Variants in CAMTA2 observed in about 807,000 individuals in gnomAD.
The protein encoded by CAMTA2 is calmodulin binding transcription activator 2, also known as calmodulin-binding transcription activator 2.
CAMTA2 carries 56 observed loss-of-function variants against 135.7 expected under a neutral mutation model. That is an observed-to-expected ratio of 0.41 (90% CI 0.33 to 0.52). The LOEUF (loss-of-function observed/expected upper bound fraction) is 0.52, where lower values mean the gene tolerates loss of function less well. CAMTA2 is among the 20% of genes least tolerant of loss of function. The pLI, the probability that CAMTA2 is intolerant of heterozygous loss-of-function variation, is 0.16. For missense variants in CAMTA2, 1,358 were observed against 1,553.4 expected, an observed-to-expected ratio of 0.87 and a Z score of 2.11; for synonymous variants, 591 against 604.6, an observed-to-expected ratio of 0.98 and a Z score of 0.33.
intron 11 of CAMTA2, 98 bp downstream of exon 11, chr17:4,976,960 G>T: frequency 8.4e-7 from 1 of 1,187,850 alleles, no homozygotes; most frequent in Non-Finnish European, 1.2e-6. Flanking sequence ...GTAAAGTGGG[G>T]GCTCAGTGAT....
chr17:4,979,765 T>G lies in CAMTA2; in HGVS notation c.1557A>C (p.Pro519=). 2.5e-6 allele frequency: 4 copies of G among 1,614,024 alleles called. No homozygotes were observed. The highest frequency in any genetic ancestry group is 2.5e-6 in the Non-Finnish European group (3 of 1,180,006). The change falls in exon 9 of 23, where the codon CCA becomes CCC. Residue 519 remains proline, a synonymous_variant. Transcript: ENST00000348066. The part of the protein sequence containing the change: ...LMGELISDEA[P]SIPAPTPQLS... ...GCTGGGGGGTCGGAGCAGGGATGCTTGGAGCTTCGTCACTGATGAGTTCTC... is the reference window on the plus strand; with the variant it reads ...GCTGGGGGGTCGGAGCAGGGATGCTGGGAGCTTCGTCACTGATGAGTTCTC...
At chr17:4,984,793 G>T (rs756749803) in intron 3 of CAMTA2, among the ~76,000 whole-genome samples, 5 of 152,040 alleles carry the variant, frequency 3.3e-5, no homozygotes, top group Non-Finnish European at 7.4e-5. Flanking sequence ...GGCCGAGATG[G>T]GCGGATCACT....
chr17:4,975,446 G>A (rs1597744296), intron 11 of CAMTA2, among the ~76,000 whole-genome samples: 1 of 152,284 alleles, frequency 6.6e-6, no homozygotes, highest in African/African-American at 2.4e-5. Flanking sequence ...GGTTCAAGAA[G>A]AAATGGAAAG....
chr17:4,968,569 AC>A lies in CAMTA2; in HGVS notation c.*186del. 1.6e-6 allele frequency: 1 copy of A among 637,442 alleles called. No homozygotes were observed. Among genetic ancestry groups the A allele is most frequent in the Non-Finnish European group, 2.7e-6 (1 of 364,206 alleles). 39.5% of individuals were successfully genotyped at this position (637,442 alleles called of 1,614,324 possible). On this transcript the variant is annotated 3_prime_UTR_variant, in exon 23 of 23. Coordinates refer to ENST00000348066, the MANE Select transcript of CAMTA2 (RefSeq NM_015099.4). ...GAGCCAGGACCAAAAGAGACGGGGC[AC>A]GACCAGGAGGGACGAGGAGAGGGGT...
At chr17:4,987,119 C>A (rs1466423805) in intron 1 of CAMTA2, 1 of 1,363,800 alleles carries the variant, frequency 7.3e-7, no homozygotes, top group Non-Finnish European at 9.4e-7. Flanking sequence ...GGGGTAAGGA[C>A]TCCGCCCCAG....
Position 4,968,808 on chromosome 17 carries a change from A to G in CAMTA2, c.3557T>C (p.Leu1186Pro). ...CCCTTCCAGCTCCTGGTTCTGCTTCAGTTCCCTCATCCTGCAGAGAGAAAG... is the reference window on the plus strand; with the variant it reads ...CCCTTCCAGCTCCTGGTTCTGCTTCGGTTCCCTCATCCTGCAGAGAGAAAG... ...LRRCRHRMRELKQNQELEGLP... is the reference protein window; with the variant it reads ...LRRCRHRMREPKQNQELEGLP... The change falls in exon 23 of 23, where the codon CTG becomes CCG. Residue 1186 changes from leucine (L) to proline (P), a missense_variant. By Grantham distance (98) the Leu-to-Pro change is moderately conservative (BLOSUM62 -3). Transcript: ENST00000348066. The G allele has an allele frequency of 1.2e-6, 2 of 1,614,140 alleles. No individual in the cohort carries two copies. The highest frequency in any genetic ancestry group is 1.7e-6 in the Non-Finnish European group (2 of 1,180,006).
rs1232881381 is a variant in CAMTA2 at position 4,970,239 on chromosome 17, G to C, written c.3005+101C>G. 3 of 1,450,228 alleles carry C rather than the reference G, an allele frequency of 2.1e-6. No individual in the cohort carries two copies. In the African/African-American group the frequency reaches 4.2e-5, roughly 20 times the overall value. The allele number at this position is 1,450,228 out of a possible 1,614,324, so 89.8% of individuals were successfully genotyped here. ...TCAGTTCGCTTCTCCAAGGCCCTGG[G>C]GCCTCAGCCAGAATGGAGCTTTGGC... On this transcript the variant is annotated intron_variant, in intron 17 of 22. Transcript: ENST00000348066.
chr17:4,975,035 G>C (rs574691558), intron 11 of CAMTA2, among the ~76,000 whole-genome samples: 1 of 152,128 alleles, frequency 6.6e-6, no homozygotes, highest in Admixed American at 6.5e-5. Flanking sequence ...GAAGGTGACA[G>C]AGATGGATAG....
At position 4,974,396 on chromosome 17, in the gene CAMTA2, G is replaced by C. The variant is rs1351255959; in HGVS notation, c.2005C>G (p.Pro669Ala). The C allele has an allele frequency of 1.2e-6, 2 of 1,607,256 alleles. No individual in the cohort carries two copies. Among genetic ancestry groups the C allele is most frequent in the African/African-American group, 2.7e-5 (2 of 74,670 alleles). ...GQVPCQGPDA[P>A]PVQDEGQGPG... is the part of the protein sequence containing the mutation. ...CCTCACAGAAGTACCTGAACTGGAG[G>C]AGCATCAGGACCCTGGCAAGGCACC... Residue 669 changes from proline to alanine, a missense_variant, in exon 12 of 23, where the codon CCT (proline) becomes GCT (alanine). Coordinates refer to ENST00000348066, the MANE Select transcript of CAMTA2 (RefSeq NM_015099.4).
chr17:4,978,150 T>G (rs1287081789), intron 10 of CAMTA2, among the ~76,000 whole-genome samples: 1 of 152,152 alleles, frequency 6.6e-6, no homozygotes, highest in African/African-American at 2.4e-5. Context: ...TGGATTGGAG[T>G]TGGAGACTCT....
chr17:4,974,967 G>T (rs1000880987), intron 11 of CAMTA2, among the ~76,000 whole-genome samples: 4 of 152,140 alleles, frequency 2.6e-5, no homozygotes, highest in Non-Finnish European at 1.5e-5. Context: ...GATTTGAAAA[G>T]TACCTCCCCT....
In CAMTA2 at chr17:4,968,167, G is replaced by C. The variant is rs77383904; in HGVS notation, c.*589C>G. On this transcript the variant is annotated 3_prime_UTR_variant, in exon 23 of 23. Transcript: ENST00000348066. ...TCTTCACTATACTCTGTATGTTACAGTATGTACAAGACCCCTCCCCTCGGG... is the reference window on the plus strand; with the variant it reads ...TCTTCACTATACTCTGTATGTTACACTATGTACAAGACCCCTCCCCTCGGG... 381 of 322,324 alleles carry C rather than the reference G, an allele frequency of 1.2e-3. 6 individuals are homozygous for C. The East Asian group carries it at 0.024, about 20-fold the overall frequency. The allele number at this position is 322,324 out of a possible 1,614,324, so 20.0% of individuals were successfully genotyped here.
Position 4,981,850 on chromosome 17 carries a change from A to C in CAMTA2, c.412-19T>G, listed in dbSNP as rs1220224883. On this transcript the variant is annotated intron_variant, in intron 6 of 22. Coordinates refer to ENST00000348066, the MANE Select transcript of CAMTA2 (RefSeq NM_015099.4). ...CAGGGTTCTGAGAGTATAAGGGGACACACAGAGCCATGGGGTCCTGAGGTC... is the reference window on the plus strand; with the variant it reads ...CAGGGTTCTGAGAGTATAAGGGGACCCACAGAGCCATGGGGTCCTGAGGTC... 1.3e-6 allele frequency: 2 copies of C among 1,578,704 alleles called. No homozygotes were observed. Among genetic ancestry groups the C allele is most frequent in the African/African-American group, 2.7e-5 (2 of 73,546 alleles).
chr17:4,985,976 G>T lies in CAMTA2; in HGVS notation c.39C>A (p.Ser13Arg). The T allele has an allele frequency of 1.9e-6, 3 of 1,612,222 alleles. No individual in the cohort carries two copies. The highest frequency in any genetic ancestry group is 1.1e-5 in the South Asian group (1 of 91,050). Residue 13 changes from serine (S) to arginine (R), a missense_variant, in exon 3 of 23, where the codon AGC (serine) becomes AGA (arginine). This residue lies in a region of CAMTA2 where 105 missense variants were observed against 190.9 expected (regional missense o/e 0.55). Transcript: ENST00000348066. ...TGGGGAGAAAGATCTTCAGGTGGTGGCTGTTTTCTAAAGGGAATTAGAAGG... is the reference window on the plus strand; with the variant it reads ...TGGGGAGAAAGATCTTCAGGTGGTGTCTGTTTTCTAAAGGGAATTAGAAGG... ...TKDTTEVAEN[S>R]HHLKIFLPKK...
Position 4,986,202 on chromosome 17 carries a change from G to C in CAMTA2, c.21C>G (p.Thr7=), listed in dbSNP as rs548330981. 4.5e-4 allele frequency: 728 copies of C among 1,603,226 alleles called. 11 individuals carry two copies. In the South Asian group the frequency reaches 7.6e-3, roughly 17 times the overall value. MNTKDT[T]EVAENSHHLK... is the part of the protein sequence containing the mutation. ...GGTTTGTGAACTTACCAGCAACCTC[G>C]GTGGTGTCCTTGGTATTCATGGTGA... Residue 7 remains threonine (T), a synonymous_variant, in exon 2 of 23, where the codon ACC becomes ACG. Coordinates refer to ENST00000348066, the MANE Select transcript of CAMTA2 (RefSeq NM_015099.4).
chr17:4,980,479 TG>T lies in CAMTA2; in HGVS notation c.842del (p.Pro281GlnfsTer25), dbSNP rs1567695914. ...EPPPLIAPLP[P>X]ELPKAHTSPS... ...GGGAGGTGTGTGCCTTGGGGAGCTC[TG>T]GGGGAAGTGGGGCTATCAGTGGAGG... On this transcript the variant is annotated frameshift_variant, in exon 9 of 23. Coordinates refer to ENST00000348066, the MANE Select transcript of CAMTA2 (RefSeq NM_015099.4). LOFTEE classifies it high-confidence loss of function. The surrounding 1 kb of genome is among the most constrained non-coding windows in gnomAD (Gnocchi z 5.3). 1 of 1,216,590 alleles carries T rather than the reference TG, an allele frequency of 8.2e-7. No homozygotes were observed. Among genetic ancestry groups the T allele is most frequent in the East Asian group, 4.2e-5 (1 of 24,014 alleles). The allele number at this position is 1,216,590 out of a possible 1,614,324, so 75.4% of individuals were successfully genotyped here. A position where few individuals can be genotyped will look rare whatever the true frequency, so the allele number is the denominator to read the frequency against.
intron 12 of CAMTA2, 120 bp downstream of exon 12, chr17:4,974,265 A>C (rs968232485): frequency 1.5e-6 from 1 of 679,840 alleles, no homozygotes; most frequent in Non-Finnish European, 2.6e-6. Flanking sequence ...GGGAGAGGGA[A>C]GACAGGCTGA....
Position 4,969,842 on chromosome 17 carries a change from G to A in CAMTA2, c.3189+60C>T. On this transcript the variant is annotated intron_variant, in intron 18 of 22. Transcript: ENST00000348066. The surrounding 1 kb of genome is among the most constrained non-coding windows in gnomAD (Gnocchi z 5.6). The stretch of plus-strand genomic sequence containing the variant: ...GACTACTCATCCTCCAAAAGCCCTG[G>A]GAGCCCAGTCTCCCCTGACTGGAGA... 1.3e-6 allele frequency: 2 copies of A among 1,599,492 alleles called. No individual in the cohort carries two copies. The highest frequency in any genetic ancestry group is 1.7e-4 in the Middle Eastern group (1 of 6,016).
In CAMTA2 at chr17:4,979,773, C is replaced by G; in HGVS notation, c.1549G>C (p.Glu517Gln). ...GTCGGAGCAGGGATGCTTGGAGCTT[C>G]GTCACTGATGAGTTCTCCCATAAGG... The part of the protein sequence containing the change: ...PDLMGELISD[E>Q]APSIPAPTPQ... The change falls in exon 9 of 23, where the codon GAA (glutamate) becomes CAA (glutamine). Residue 517 changes from glutamate (E) to glutamine (Q), a missense_variant. Physicochemically the swap from Glu to Gln is conservative, Grantham distance 29. This residue lies in a region of CAMTA2 where 1,077 missense variants were observed against 1,127.5 expected (regional missense o/e 0.96). Coordinates refer to ENST00000348066, the MANE Select transcript of CAMTA2 (RefSeq NM_015099.4). 6.2e-7 allele frequency: 1 copy of G among 1,614,084 alleles called. No homozygotes were observed. The highest frequency in any genetic ancestry group is 8.5e-7 in the Non-Finnish European group (1 of 1,180,020).
Sources: allele counts gnomAD v4.1 joint callset (sites outside exome capture counted in the v4.1 genomes callset), GRCh38; gene constraint gnomAD v4.1.1; regional missense constraint gnomAD v4.1.1; non-coding constraint Gnocchi (gnomAD v3.1); transcripts MANE v1.5; gene names NCBI Gene and HGNC (gene_info 2026-07-23, HGNC 2026-07-21).